Variants in EDRF1 observed in about 807,000 individuals in gnomAD.
EDRF1 encodes the protein erythroid differentiation-related factor 1.
A neutral mutation model predicts 148.7 loss-of-function variants in EDRF1; 69 were observed. The ratio of observed to expected loss-of-function variants is 0.46; its 90% confidence interval spans 0.38 to 0.57. The LOEUF (loss-of-function observed/expected upper bound fraction) is 0.57. Ranked by LOEUF, EDRF1 falls within the 20% of genes least tolerant of loss-of-function variation. The pLI, the probability that EDRF1 is intolerant of heterozygous loss-of-function variation, is 0.00. For synonymous variants in EDRF1, 515 were observed against 532.8 expected (o/e 0.97, Z 0.46); for missense variants, 1,118 against 1,478.7 (o/e 0.76, Z 4.00).
In EDRF1 at chr10:125,729,013, C is replaced by G; in HGVS notation, c.803C>G (p.Pro268Arg). ...DPSASSQGSE[P>R]LEPSYIVGHV... ...TTGCACTTTTCACAGGGAAGTGAGC[C>G]TCTTGAACCCTCATACATAGTGGGG... Residue 268 changes from proline to arginine, a missense_variant, in exon 7 of 25, where the codon CCT becomes CGT. This residue lies in a region of EDRF1 where 954 missense variants were observed against 1,241.4 expected (regional missense o/e 0.77). Coordinates refer to ENST00000356792, the MANE Select transcript of EDRF1 (RefSeq NM_001202438.2). 2 of 1,579,472 alleles carry G rather than the reference C, an allele frequency of 1.3e-6. No homozygotes were observed. Among genetic ancestry groups the G allele is most frequent in the Non-Finnish European group, 1.7e-6 (2 of 1,170,250 alleles).
intron 4 of EDRF1, among the ~76,000 whole-genome samples, chr10:125,724,221 A>T (rs1353207990): frequency 6.6e-6 from 1 of 152,200 alleles, no homozygotes; most frequent in African/African-American, 2.4e-5. Flanking sequence ...AATTTAAGGG[A>T]CTAGTTTAAT....
chr10:125,725,176 ACC>A lies in EDRF1; in HGVS notation c.511-140_511-139del, dbSNP rs1848196431. ...AACAAAAGAAAGGTGGTATGAATTG[ACC>A]CAGAAAGATATGTTTTTAATGAGTA... On this transcript the variant is annotated intron_variant, in intron 4 of 24. Coordinates refer to ENST00000356792, the MANE Select transcript of EDRF1 (RefSeq NM_001202438.2). 7.9e-6 allele frequency: 8 copies of A among 1,016,372 alleles called. No individual in the cohort carries two copies. The South Asian group carries it at 1.2e-4, about 15-fold the overall frequency. 63.0% of individuals were successfully genotyped at this position (1,016,372 alleles called of 1,614,324 possible). A position where few individuals can be genotyped will look rare whatever the true frequency, so the allele number is the denominator to read the frequency against.
rs2133757439 is a variant in EDRF1 at position 125,753,777 on chromosome 10, T to C, written c.3477T>C (p.Phe1159=). The C allele has an allele frequency of 6.2e-7, 1 of 1,613,838 alleles. No individual in the cohort carries two copies. Among genetic ancestry groups the C allele is most frequent in the Non-Finnish European group, 8.5e-7 (1 of 1,179,888 alleles). The stretch of plus-strand genomic sequence containing the variant: ...AAGTGATGAAACTCCTCAGTATATT[T>C]GAGTCTCGGTTGTCATTTCTTCTCC... ...REEVMKLLSI[F]ESRLSFLLLQ... The change falls in exon 24 of 25, where the codon TTT becomes TTC. Residue 1159 remains phenylalanine, a synonymous_variant. Coordinates refer to ENST00000356792, the MANE Select transcript of EDRF1 (RefSeq NM_001202438.2).
intron 18 of EDRF1, among the ~76,000 whole-genome samples, chr10:125,744,021 A>G (rs552305245): frequency 2.6e-5 from 4 of 152,168 alleles, no homozygotes; most frequent in Non-Finnish European, 5.9e-5. Context: ...TTTGTAGTCA[A>G]TTTGAAGTGT....
At chr10:125,740,029 G>A (rs1301970685) in intron 15 of EDRF1, among the ~76,000 whole-genome samples, 2 of 152,214 alleles carry the variant, frequency 1.3e-5, no homozygotes, top group East Asian at 1.9e-4. Context: ...TGGCTGATGG[G>A]TAGTAGGATG....
intron 6 of EDRF1, among the ~76,000 whole-genome samples, chr10:125,728,720 A>G (rs1429260026): frequency 6.6e-6 from 1 of 152,206 alleles, no homozygotes; most frequent in Non-Finnish European, 1.5e-5. Flanking sequence ...TGGTAATCAG[A>G]TGCACCAAAA....
In EDRF1 at chr10:125,721,365, A is replaced by G. The variant is rs765977512; in HGVS notation, c.270A>G (p.Ala90=). The change falls in exon 2 of 25, where the codon GCA becomes GCG. Residue 90 remains alanine, a synonymous_variant. Transcript: ENST00000356792. ...WLRESAKLGP[A]GTTILGNSKK... ...GAGAGAGTGCCAAACTAGGGCCAGC[A>G]GGAACTACCATTCTTGGCAACAGCA... is the stretch of plus-strand genomic sequence containing the variant. The G allele has an allele frequency of 5.6e-6, 9 of 1,614,242 alleles. No individual in the cohort carries two copies. Among genetic ancestry groups the G allele is most frequent in the Non-Finnish European group, 6.8e-6 (8 of 1,180,046 alleles).
In EDRF1 at chr10:125,763,819, A is replaced by C; in HGVS notation, c.*347A>C. 3.2e-6 allele frequency: 1 copy of C among 316,336 alleles called. No individual in the cohort carries two copies. Among genetic ancestry groups the C allele is most frequent in the Non-Finnish European group, 6.0e-6 (1 of 166,140 alleles). The allele number at this position is 316,336 out of a possible 1,614,324, so 19.6% of individuals were successfully genotyped here. ...TCTAAGATATGATTATTTTGGATAA[A>C]ATGTTACTTTGGTCAAGAGAACTTT... is the stretch of plus-strand genomic sequence containing the variant. On this transcript the variant is annotated 3_prime_UTR_variant, in exon 25 of 25. Coordinates refer to ENST00000356792, the MANE Select transcript of EDRF1 (RefSeq NM_001202438.2). This position sits in a 1 kb window ranked among gnomAD's most constrained non-coding sequence, Gnocchi z 4.3.
Position 125,747,517 on chromosome 10 carries a change from ACT to A in EDRF1, c.2815-18_2815-17del. ...TGTTTAAGCTGAGTCAGAAATGTAC[ACT>A]GTTTTCTCCTTTGCAGGCTATTGAT... On this transcript the variant is annotated splice_polypyrimidine_tract_variant and intron_variant, in intron 19 of 24. Transcript: ENST00000356792. 6.2e-7 allele frequency: 1 copy of A among 1,613,988 alleles called. No homozygotes were observed. The highest frequency in any genetic ancestry group is 1.3e-5 in the African/African-American group (1 of 75,032).
chr10:125,747,452 A>T, intron 19 of EDRF1, 84 bp from the exon 20 acceptor site: 1 of 1,353,226 alleles, frequency 7.4e-7, no homozygotes, highest in Non-Finnish European at 1.1e-6. Flanking sequence ...ACATCTGGGT[A>T]GTTGTGAAGT....
At chr10:125,728,708 A>G (rs1022674565) in intron 6 of EDRF1, among the ~76,000 whole-genome samples, 2 of 152,220 alleles carry the variant, frequency 1.3e-5, no homozygotes, top group Non-Finnish European at 2.9e-5. Context: ...CTGAAAGAGC[A>G]GTGGTAATCA....
At chr10:125,742,259 G>T (rs1033657018) in intron 17 of EDRF1, 10 of 1,289,244 alleles carry the variant, frequency 7.8e-6, no homozygotes, top group Non-Finnish European at 1.0e-5. Context: ...ATCCGCAGCA[G>T]CGATATCCCT....
chr10:125,732,294 G>A (rs577163891), intron 9 of EDRF1, among the ~76,000 whole-genome samples: 118 of 152,278 alleles, frequency 7.7e-4, no homozygotes, highest in African/African-American at 2.8e-3. Flanking sequence ...GGGAACAGGA[G>A]TCAAAGGAGA....
At position 125,719,749 on chromosome 10, in the gene EDRF1, T is replaced by G; in HGVS notation, c.-59T>G. On this transcript the variant is annotated 5_prime_UTR_variant, in exon 1 of 25. Coordinates refer to ENST00000356792, the MANE Select transcript of EDRF1 (RefSeq NM_001202438.2). The stretch of plus-strand genomic sequence containing the variant: ...TCTGGCGCTTACCCTGCTTTGGGCC[T>G]GCGTTGCTGCTGCTGCTCCTCCGCT... 7.0e-7 allele frequency: 1 copy of G among 1,418,724 alleles called. No individual in the cohort carries two copies. Among genetic ancestry groups the G allele is most frequent in the South Asian group, 1.3e-5 (1 of 79,942 alleles). 87.9% of individuals were successfully genotyped at this position (1,418,724 alleles called of 1,614,324 possible). A position where few individuals can be genotyped will look rare whatever the true frequency, so the allele number is the denominator to read the frequency against.
intron 9 of EDRF1, among the ~76,000 whole-genome samples, chr10:125,731,120 A>G (rs757066567): frequency 2.8e-4 from 42 of 152,178 alleles, no homozygotes; most frequent in Middle Eastern, 3.2e-3. Flanking sequence ...GCACTCCAGT[A>G]TGAGTGACAG....
chr10:125,743,926 GGTGTAA>G (rs1170203720), intron 18 of EDRF1, among the ~76,000 whole-genome samples: 1 of 152,132 alleles, frequency 6.6e-6, no homozygotes, highest in Non-Finnish European at 1.5e-5. Flanking sequence ...GATGTGGGAT[GGTGTAA>G]GTAAGATGTG....
At position 125,745,865 on chromosome 10, in the gene EDRF1, C is replaced by G; in HGVS notation, c.2749C>G (p.His917Asp). 1 of 1,614,202 alleles carries G rather than the reference C, an allele frequency of 6.2e-7. No individual in the cohort carries two copies. Among genetic ancestry groups the G allele is most frequent in the East Asian group, 2.2e-5 (1 of 44,886 alleles). The change falls in exon 19 of 25, where the codon CAC becomes GAC. Residue 917 changes from histidine to aspartate, a missense_variant. Coordinates refer to ENST00000356792, the MANE Select transcript of EDRF1 (RefSeq NM_001202438.2). ...GRLMRICAQA[H>D]CGAGDELKRE... ...GCTCATGCGGATTTGTGCGCAGGCC[C>G]ACTGTGGTGCAGGGGATGAACTGAA...
chr10:125,753,603 G>T, intron 23 of EDRF1, 91 bp from the exon 24 acceptor site: 1 of 1,378,356 alleles, frequency 7.3e-7, no homozygotes, highest in Non-Finnish European at 1.0e-6. Flanking sequence ...AAAATGTATT[G>T]GATGAATGAA....
intron 17 of EDRF1, chr10:125,742,566 G>A (rs1849085531): frequency 1.0e-6 from 1 of 985,112 alleles, no homozygotes; most frequent in African/African-American, 1.7e-5. Context: ...AAAGTCCTTG[G>A]TGTATTTTTA....
Sources: allele counts gnomAD v4.1 joint callset (sites outside exome capture counted in the v4.1 genomes callset), GRCh38; gene constraint gnomAD v4.1.1; regional missense constraint gnomAD v4.1.1; non-coding constraint Gnocchi (gnomAD v3.1); transcripts MANE v1.5; gene names NCBI Gene and HGNC (gene_info 2026-07-23, HGNC 2026-07-21).